FAM168A: variants seen among roughly 807,000 people sequenced by gnomAD.
The protein encoded by FAM168A is family with sequence similarity 168 member A.
In FAM168A, 3 loss-of-function variants were observed where a neutral mutation model predicts 28.5. The ratio of observed to expected loss-of-function variants is 0.11; its 90% CI spans 0.05 to 0.27. FAM168A has a LOEUF of 0.27. FAM168A is among the 10% of genes least tolerant of loss of function. The pLI is 1.00. For missense variants in FAM168A, 222 were observed against 311.5 expected (o/e 0.71, Z 2.16); for synonymous variants, 122 against 124.2 (o/e 0.98, Z 0.12).
At chr11:73,477,232 G>A (rs1565262664) in intron 1 of FAM168A, among the ~76,000 whole-genome samples, 1 of 151,956 alleles carries the variant, frequency 6.6e-6, no homozygotes, top group Non-Finnish European at 1.5e-5. Flanking sequence ...AGGGTTGAAG[G>A]AGGGTGAAAG....
intron 1 of FAM168A, among the ~76,000 whole-genome samples, chr11:73,498,595 C>T (rs755720998): frequency 7.2e-5 from 11 of 152,304 alleles, no homozygotes; most frequent in Non-Finnish European, 1.3e-4. Context: ...CATTGGAACT[C>T]GCAACTGCCT....
intron 7 of FAM168A, among the ~76,000 whole-genome samples, chr11:73,407,162 T>G (rs1866520980): frequency 6.6e-6 from 1 of 152,214 alleles, no homozygotes; most frequent in African/African-American, 2.4e-5. Context: ...GAACTGAAGT[T>G]TAAGCCCTAG....
intron 1 of FAM168A, among the ~76,000 whole-genome samples, chr11:73,583,600 T>C (rs1232053313): frequency 1.3e-5 from 2 of 152,158 alleles, no homozygotes; most frequent in African/African-American, 4.8e-5. Flanking sequence ...ACGGAAAACC[T>C]TCTGGAAAAG....
intron 1 of FAM168A, among the ~76,000 whole-genome samples, chr11:73,540,420 T>C (rs1943638985): frequency 6.6e-6 from 1 of 152,150 alleles, no homozygotes. Context: ...CAGAGTCAGA[T>C]ACCAAATTAC....
At chr11:73,526,881 A>C (rs1455533593) in intron 1 of FAM168A, among the ~76,000 whole-genome samples, 1 of 151,406 alleles carries the variant, frequency 6.6e-6, no homozygotes, top group African/African-American at 2.4e-5. Context: ...AAAAAAAAAA[A>C]AAAAAAAAAA....
At chr11:73,477,326 A>G (rs1667383989) in intron 1 of FAM168A, among the ~76,000 whole-genome samples, 3 of 152,146 alleles carry the variant, frequency 2.0e-5, no homozygotes, top group Admixed American at 6.6e-5. Flanking sequence ...CAATTTACCC[A>G]CGTAACAAAT....
At chr11:73,558,307 T>G (rs1324945124) in intron 1 of FAM168A, among the ~76,000 whole-genome samples, 2 of 151,532 alleles carry the variant, frequency 1.3e-5, no homozygotes, top group African/African-American at 4.8e-5. Context: ...ACAAAAAATG[T>G]AAAAAAGAAA....
In FAM168A at chr11:73,514,575, G is replaced by A. The variant is rs1401271733; in HGVS notation, c.-18-46083C>T. On this transcript the variant is annotated intron_variant, in intron 1 of 7. Transcript: ENST00000356467. ...CTGTGAGGTGCAGTGGCTCACATCTGTAATCCCAACACTTGGGAGGCCAAA... is the reference window on the plus strand; with the variant it reads ...CTGTGAGGTGCAGTGGCTCACATCTATAATCCCAACACTTGGGAGGCCAAA... Among the ~76,000 whole-genome samples the A allele has an allele frequency of 3.3e-5, 5 of 152,250 alleles. No homozygotes were observed. The South Asian group carries it at 8.3e-4, about 25-fold the overall frequency.
intron 5 of FAM168A, 28 bp downstream of exon 5, chr11:73,411,366 A>G (rs1478281094): frequency 3.2e-6 from 5 of 1,558,224 alleles, no homozygotes; most frequent in Non-Finnish European, 2.6e-6. Flanking sequence ...CTCTACCTGC[A>G]GAAGAGGTGG....
intron 1 of FAM168A, among the ~76,000 whole-genome samples, chr11:73,592,756 AC>A (rs948911297): frequency 6.6e-6 from 1 of 152,140 alleles, no homozygotes; most frequent in Non-Finnish European, 1.5e-5. Flanking sequence ...AATATTTTCT[AC>A]AAAAAGCATT....
intron 1 of FAM168A, among the ~76,000 whole-genome samples, chr11:73,597,539 G>A (rs1299447377): frequency 6.6e-6 from 1 of 151,550 alleles, no homozygotes; most frequent in Non-Finnish European, 1.5e-5. Flanking sequence ...ACTGCTCCAG[G>A]CCAAACCCAA....
intron 1 of FAM168A, among the ~76,000 whole-genome samples, chr11:73,586,423 TA>T (rs1944314546): frequency 6.6e-6 from 1 of 151,614 alleles, no homozygotes. Context: ...TCAAGAAAAA[TA>T]AAAAATCATC....
Position 73,468,425 on chromosome 11 carries a change from G to C in FAM168A, c.50C>G (p.Pro17Arg). Residue 17 changes from proline to arginine, a missense_variant, in exon 2 of 8, where the codon CCT (proline) becomes CGT (arginine). This residue lies in a region of FAM168A where 153 missense variants were observed against 189.2 expected (regional missense o/e 0.81). Coordinates refer to ENST00000356467, the MANE Select transcript of FAM168A (RefSeq NM_015159.3). ...CTCACCCGTGTAGGCCATGTTCTTAGGGTTGCCATAAGGAGCCCCAGGCTG... is the reference window on the plus strand; with the variant it reads ...CTCACCCGTGTAGGCCATGTTCTTACGGTTGCCATAAGGAGCCCCAGGCTG... Reference protein sequence around the residue: ...PVQPGAPYGNPKNMAYTGYPT... With the variant: ...PVQPGAPYGNRKNMAYTGYPT... 6.2e-7 allele frequency: 1 copy of C among 1,614,116 alleles called. No homozygotes were observed. The highest frequency in any genetic ancestry group is 8.5e-7 in the Non-Finnish European group (1 of 1,179,992).
At chr11:73,538,340 A>AC (rs1943608591) in intron 1 of FAM168A, among the ~76,000 whole-genome samples, 1 of 151,606 alleles carries the variant, frequency 6.6e-6, no homozygotes, top group African/African-American at 2.4e-5. Flanking sequence ...AAAACAAAAA[A>AC]CAAAAAAAAA....
At chr11:73,410,100 AAAG>A (rs1488017566) in intron 5 of FAM168A, among the ~76,000 whole-genome samples, 1 of 152,154 alleles carries the variant, frequency 6.6e-6, no homozygotes, top group East Asian at 1.9e-4. Context: ...GTAAAAAAAA[AAAG>A]TACATGTTGA....
chr11:73,515,127 C>G (rs1488630095), intron 1 of FAM168A, among the ~76,000 whole-genome samples: 1 of 152,098 alleles, frequency 6.6e-6, no homozygotes, highest in African/African-American at 2.4e-5. Context: ...TCCCTCTGGC[C>G]CATTTATAGT....
chr11:73,475,270 A>G (rs994814847), intron 1 of FAM168A, among the ~76,000 whole-genome samples: 7 of 152,122 alleles, frequency 4.6e-5, no homozygotes, highest in African/African-American at 1.7e-4. Flanking sequence ...TGAAAAATTT[A>G]CCATTTGAAA....
intron 3 of FAM168A, among the ~76,000 whole-genome samples, chr11:73,427,652 T>C (rs964268089): frequency 4.6e-5 from 7 of 152,218 alleles, no homozygotes; most frequent in African/African-American, 7.2e-5. Context: ...CAAAAGTTTA[T>C]TGCAATATGC....
chr11:73,483,587 T>A (rs1306410735), intron 1 of FAM168A, among the ~76,000 whole-genome samples: 1 of 152,156 alleles, frequency 6.6e-6, no homozygotes, highest in East Asian at 1.9e-4. Context: ...CTATCCAGGT[T>A]AAGGAAATGA....
Sources: gnomAD v4.1 joint callset for allele counts (sites outside exome capture counted in the v4.1 genomes callset) on GRCh38, gnomAD v4.1.1 for gene constraint, gnomAD v4.1.1 regional missense constraint, MANE v1.5 for transcripts, NCBI Gene and HGNC (gene_info 2026-07-23, HGNC 2026-07-21) for gene names.